HSD17B12: variants seen among roughly 807,000 people sequenced by gnomAD.
The protein encoded by HSD17B12 is hydroxysteroid 17-beta dehydrogenase 12, also known as very-long-chain 3-oxoacyl-CoA reductase.
A neutral mutation model predicts 39.3 loss-of-function variants in HSD17B12; 32 were observed. The observed-to-expected ratio is 0.81, with a 90% confidence interval of 0.61 to 1.09. HSD17B12 has a LOEUF of 1.09. Among genes scored for constraint, HSD17B12 ranks in the 50% least tolerant of loss-of-function variants. The pLI is 0.00. For synonymous variants in HSD17B12, 150 were observed against 146.7 expected (o/e 1.02, Z -0.16); for missense variants, 342 against 382.9 (o/e 0.89, Z 0.89).
intron 3 of HSD17B12, among the ~76,000 whole-genome samples, chr11:43,793,335 G>A (rs572452791): frequency 1.3e-5 from 2 of 152,272 alleles, no homozygotes; most frequent in Non-Finnish European, 2.9e-5. Context: ...TGTTTATTTG[G>A]AGCAGATGTG....
chr11:43,812,614 T>C (rs1951083619), intron 4 of HSD17B12, among the ~76,000 whole-genome samples: 1 of 152,262 alleles, frequency 6.6e-6, no homozygotes, highest in South Asian at 2.1e-4. Flanking sequence ...ATATTCTAGA[T>C]ATTAGTCTCT....
chr11:43,718,652 T>C, intron 1 of HSD17B12: 1 of 696,052 alleles, frequency 1.4e-6, no homozygotes, highest in Non-Finnish European at 2.5e-6. Context: ...ATCAAAAATA[T>C]ACCTTGAATA....
At chr11:43,601,261 T>A in the HSD17B12 span, among the ~76,000 whole-genome samples, 1 of 152,120 alleles carries the variant, frequency 6.6e-6, no homozygotes, top group Non-Finnish European at 1.5e-5. Context: ...AATTTTTTCT[T>A]CGGTTTCTTG....
At chr11:43,724,775 C>T (rs1465941984) in intron 1 of HSD17B12, among the ~76,000 whole-genome samples, 1 of 152,084 alleles carries the variant, frequency 6.6e-6, no homozygotes, top group African/African-American at 2.4e-5. Flanking sequence ...TTTGGGGGAA[C>T]ACAAACATTC....
the HSD17B12 span, among the ~76,000 whole-genome samples, chr11:43,648,473 C>T: frequency 1.3e-5 from 2 of 151,942 alleles, no homozygotes; most frequent in East Asian, 3.9e-4. Context: ...TATTAACAGT[C>T]TTTAGACAAT....
At position 43,772,389 on chromosome 11, in the gene HSD17B12, T is replaced by C. The variant is rs547229929; in HGVS notation, c.283+18268T>C. 2.0e-5 allele frequency among the ~76,000 whole-genome samples: 3 copies of C among 152,324 alleles called. No homozygotes were observed. The East Asian group carries it at 5.8e-4, about 29-fold the overall frequency. ...TCTCAGCAAATGATGAGTTAAAAATTTTGGGGTTTTTTTTGGCATTGCCTT... is the reference window on the plus strand; with the variant it reads ...TCTCAGCAAATGATGAGTTAAAAATCTTGGGGTTTTTTTTGGCATTGCCTT... On this transcript the variant is annotated intron_variant, in intron 3 of 10. Transcript: ENST00000278353.
chr11:43,823,693 C>T (rs962071183), intron 6 of HSD17B12, among the ~76,000 whole-genome samples: 9 of 151,800 alleles, frequency 5.9e-5, no homozygotes, highest in Admixed American at 1.3e-4. Flanking sequence ...GCCTCGCATA[C>T]GTAAGGTGCA....
the HSD17B12 span, among the ~76,000 whole-genome samples, chr11:43,583,550 A>C: frequency 6.6e-6 from 1 of 152,128 alleles, no homozygotes; most frequent in Non-Finnish European, 1.5e-5. Flanking sequence ...AATAAGTGAA[A>C]ATAGGTGGCT....
chr11:43,850,304 T>C (rs963588194), intron 9 of HSD17B12, among the ~76,000 whole-genome samples: 4 of 152,222 alleles, frequency 2.6e-5, no homozygotes, highest in African/African-American at 9.7e-5. Flanking sequence ...TACCAGATCC[T>C]GAAATCGTAG....
chr11:43,803,082 C>G (rs1162099623), intron 4 of HSD17B12, among the ~76,000 whole-genome samples: 1 of 152,072 alleles, frequency 6.6e-6, no homozygotes, highest in Non-Finnish European at 1.5e-5. Flanking sequence ...ATATTTTACA[C>G]ATGGATTGTA....
the HSD17B12 span, chr11:43,670,187 T>C: frequency 6.6e-6 from 1 of 152,210 alleles, no homozygotes; most frequent in South Asian, 2.1e-4. Flanking sequence ...AGGCTGCCAT[T>C]GGAGAGGGGC....
chr11:43,652,601 CCT>C, the HSD17B12 span, among the ~76,000 whole-genome samples: 7 of 152,132 alleles, frequency 4.6e-5, no homozygotes, highest in Admixed American at 3.3e-4. Context: ...CCCATGACCC[CCT>C]GTTTGGGTTC....
the HSD17B12 span, among the ~76,000 whole-genome samples, chr11:43,640,559 G>GT: frequency 6.6e-6 from 1 of 151,816 alleles, no homozygotes. Flanking sequence ...TAGGGTTTAG[G>GT]TTTTTTTCTT....
the HSD17B12 span, among the ~76,000 whole-genome samples, chr11:43,571,933 G>A: frequency 3.7e-3 from 558 of 152,298 alleles, 6 homozygotes; most frequent in East Asian, 0.035. Context: ...TACCCCCACC[G>A]TGCTAATGGC....
the HSD17B12 span, among the ~76,000 whole-genome samples, chr11:43,620,530 T>C: frequency 2.6e-5 from 4 of 152,174 alleles, no homozygotes; most frequent in African/African-American, 4.8e-5. Flanking sequence ...ATGAAATCAC[T>C]TGAGAAAAGA....
chr11:43,773,233 T>A (rs1232898949), intron 3 of HSD17B12, among the ~76,000 whole-genome samples: 2 of 152,220 alleles, frequency 1.3e-5, no homozygotes, highest in African/African-American at 4.8e-5. Context: ...TTATTCATTT[T>A]AAAAATAGAA....
upstream of HSD17B12, among the ~76,000 whole-genome samples, chr11:43,679,002 T>C (rs1949716630): frequency 6.6e-6 from 1 of 152,226 alleles, no homozygotes; most frequent in Admixed American, 6.5e-5. Context: ...GGGGATGGCA[T>C]TGAATCTATA....
At chr11:43,707,278 G>T (rs1421638481) in intron 1 of HSD17B12, among the ~76,000 whole-genome samples, 8 of 152,198 alleles carry the variant, frequency 5.3e-5, no homozygotes, top group African/African-American at 1.9e-4. Context: ...AAGTTTGGTG[G>T]TGAAACGTAC....
intron 3 of HSD17B12, among the ~76,000 whole-genome samples, chr11:43,776,931 T>C (rs1950711374): frequency 6.6e-6 from 1 of 152,318 alleles, no homozygotes; most frequent in East Asian, 1.9e-4. Flanking sequence ...TGCGGCGTTA[T>C]TTCTGAGGGC....
Sources: allele counts gnomAD v4.1 joint callset (sites outside exome capture counted in the v4.1 genomes callset), GRCh38; gene constraint gnomAD v4.1.1; transcripts MANE v1.5; gene names NCBI Gene and HGNC (gene_info 2026-07-23, HGNC 2026-07-21).